Variants in PRKG1 observed in about 807,000 individuals in gnomAD.
PRKG1 encodes the protein cGMP-dependent protein kinase 1.
Under a neutral mutation model 88.1 loss-of-function variants are expected in PRKG1, and 35 were observed. The ratio of observed to expected loss-of-function variants is 0.40; its 90% CI spans 0.30 to 0.53. The LOEUF (loss-of-function observed/expected upper bound fraction) is 0.53. PRKG1 is among the 20% of genes least tolerant of loss of function. The pLI is 0.59. For missense variants in PRKG1, 540 were observed against 839.8 expected, an observed-to-expected ratio of 0.64 and a Z score of 4.41; for synonymous variants, 303 against 292.5, an observed-to-expected ratio of 1.04 and a Z score of -0.37.
chr10:51,013,044 C>T (rs994965055), intron 1 of PRKG1, among the ~76,000 whole-genome samples: 5 of 152,128 alleles, frequency 3.3e-5, no homozygotes, highest in Admixed American at 3.3e-4. Flanking sequence ...GTGACAGGAA[C>T]GGTGGCACGC....
At chr10:51,325,597 T>C (rs888524353) in intron 2 of PRKG1, among the ~76,000 whole-genome samples, 9 of 152,260 alleles carry the variant, frequency 5.9e-5, no homozygotes, top group Non-Finnish European at 1.2e-4. Context: ...TCATTTGCTA[T>C]GCAGAAGCTT....
rs1367713863 is a variant in PRKG1, at chr10:52,143,217, C to T, written c.1001+9312C>T. Among the ~76,000 whole-genome samples the T allele has an allele frequency of 2.0e-5, 3 of 152,140 alleles. No homozygotes were observed. In the East Asian group the frequency reaches 5.8e-4, roughly 29 times the overall value. On this transcript the variant is annotated intron_variant, in intron 8 of 17. Transcript: ENST00000373980. ...AAGACACCTCCCTTCTTGCCACCCC[C>T]CAGCCTTCCCCATTCCACCCTGCTG... is the stretch of plus-strand genomic sequence containing the variant.
chr10:50,994,813 G>GAAAAA (rs35386826), intron 1 of PRKG1, among the ~76,000 whole-genome samples: 1 of 143,620 alleles, frequency 7.0e-6, no homozygotes, highest in African/African-American at 2.6e-5. Context: ...AACTATTCAG[G>GAAAAA]AAAAAAAAAA....
intron 7 of PRKG1, among the ~76,000 whole-genome samples, chr10:52,115,548 A>C (rs770117989): frequency 6.6e-6 from 1 of 152,018 alleles, no homozygotes; most frequent in African/African-American, 2.4e-5. Flanking sequence ...ATCAGTTCTT[A>C]TCTAAGACAT....
At chr10:51,225,802 C>T (rs983408620) in intron 2 of PRKG1, among the ~76,000 whole-genome samples, 17 of 152,156 alleles carry the variant, frequency 1.1e-4, no homozygotes, top group African/African-American at 3.4e-4. Context: ...CTGTATAGAA[C>T]TCACAGAATA....
At chr10:51,961,386 G>GA (rs35791689) in intron 5 of PRKG1, among the ~76,000 whole-genome samples, 14 of 136,144 alleles carry the variant, frequency 1.0e-4, no homozygotes, top group South Asian at 6.6e-4. Context: ...TGTATTTATT[G>GA]AAAAAAAAGA....
intron 9 of PRKG1, among the ~76,000 whole-genome samples, chr10:52,240,750 C>T (rs1193285906): frequency 6.6e-6 from 1 of 152,066 alleles, no homozygotes; most frequent in Non-Finnish European, 1.5e-5. Flanking sequence ...AATTTCTATA[C>T]TAAGAATGAT....
At chr10:52,292,116 T>C (rs1334383706) in intron 17 of PRKG1, among the ~76,000 whole-genome samples, 3 of 152,256 alleles carry the variant, frequency 2.0e-5, no homozygotes, top group East Asian at 3.9e-4. Flanking sequence ...TTGTTTGTTT[T>C]TTTTCTTGTA....
At chr10:51,236,433 T>C (rs896123470) in intron 2 of PRKG1, among the ~76,000 whole-genome samples, 1 of 152,042 alleles carries the variant, frequency 6.6e-6, no homozygotes, top group Non-Finnish European at 1.5e-5. Flanking sequence ...AACTCAGAAA[T>C]GAGGAAAGTA....
chr10:52,121,787 A>G (rs1847824222), intron 7 of PRKG1, among the ~76,000 whole-genome samples: 1 of 152,310 alleles, frequency 6.6e-6, no homozygotes, highest in East Asian at 1.9e-4. Context: ...AGTAATCTCT[A>G]AGAAGATTTA....
At chr10:52,170,254 C>T (rs1287947163) in intron 9 of PRKG1, among the ~76,000 whole-genome samples, 5 of 152,076 alleles carry the variant, frequency 3.3e-5, no homozygotes, top group Non-Finnish European at 7.4e-5. Context: ...TAATAAAAAC[C>T]CACCTTGTAA....
chr10:51,907,480 T>A (rs753329336), intron 4 of PRKG1, 27 bp from the exon 5 acceptor site: 5 of 1,588,638 alleles, frequency 3.1e-6, no homozygotes, highest in Non-Finnish European at 4.3e-6. Context: ...GTTCATGTGT[T>A]CAGCACTATT....
At chr10:51,572,688 G>T (rs1009222921) in intron 3 of PRKG1, among the ~76,000 whole-genome samples, 1 of 151,622 alleles carries the variant, frequency 6.6e-6, no homozygotes. Flanking sequence ...ATCTTTTTTT[G>T]TTTGTTTGTT....
intron 7 of PRKG1, among the ~76,000 whole-genome samples, chr10:52,099,072 A>G (rs2132562335): frequency 6.6e-6 from 1 of 152,326 alleles, no homozygotes; most frequent in Non-Finnish European, 1.5e-5. Context: ...ATGACATGGT[A>G]AGAAAAGAGC....
chr10:52,052,175 A>C (rs1183396591), intron 5 of PRKG1, among the ~76,000 whole-genome samples: 1 of 152,282 alleles, frequency 6.6e-6, no homozygotes, highest in South Asian at 2.1e-4. Flanking sequence ...CATATTAGAC[A>C]ATACAGTTAT....
At chr10:51,288,605 CTAT>C (rs1486246738) in intron 2 of PRKG1, among the ~76,000 whole-genome samples, 2 of 152,070 alleles carry the variant, frequency 1.3e-5, no homozygotes, top group Non-Finnish European at 2.9e-5. Flanking sequence ...AAATGAAATT[CTAT>C]TATTATCTTA....
At chr10:51,275,550 C>A (rs976319319) in intron 2 of PRKG1, among the ~76,000 whole-genome samples, 3 of 152,126 alleles carry the variant, frequency 2.0e-5, no homozygotes, top group African/African-American at 7.2e-5. Flanking sequence ...AATGCATTGA[C>A]ATGATACAAA....
chr10:52,116,587 T>C (rs1391387717), intron 7 of PRKG1, among the ~76,000 whole-genome samples: 1 of 151,972 alleles, frequency 6.6e-6, no homozygotes, highest in Non-Finnish European at 1.5e-5. Flanking sequence ...TGTGAAGAGA[T>C]GACTGTTAAT....
At chr10:51,457,501 C>G (rs1839619889) in intron 2 of PRKG1, among the ~76,000 whole-genome samples, 1 of 152,090 alleles carries the variant, frequency 6.6e-6, no homozygotes, top group Admixed American at 6.6e-5. Context: ...ATGGGTGAAC[C>G]AAAATCTCAG....
Sources: allele counts gnomAD v4.1 joint callset (sites outside exome capture counted in the v4.1 genomes callset), GRCh38; gene constraint gnomAD v4.1.1; transcripts MANE v1.5; gene names NCBI Gene and HGNC (gene_info 2026-07-23, HGNC 2026-07-21).